The following ADAMTSL1 variants were observed in gnomAD, a reference collection of about 807,000 sequenced individuals.
ADAMTSL1 encodes ADAMTS like 1.
ADAMTSL1 carries 126 observed loss-of-function variants against 201.8 expected under a neutral mutation model. The observed-to-expected ratio is 0.62, with a 90% CI of 0.54 to 0.72. ADAMTSL1 has a LOEUF of 0.72. Among genes scored for constraint, ADAMTSL1 ranks in the 30% least tolerant of loss-of-function variants. The pLI is 0.00. For synonymous variants in ADAMTSL1, 1,121 were observed against 903.4 expected (o/e 1.24, Z -4.32); for missense variants, 2,679 against 2,277.8 (o/e 1.18, Z -3.59).
intron 7 of ADAMTSL1, among the ~76,000 whole-genome samples, chr9:18,641,376 C>A (rs1358476954): frequency 3.9e-5 from 6 of 151,998 alleles, no homozygotes; most frequent in African/African-American, 1.4e-4. Flanking sequence ...GAATTTTTGC[C>A]ACACAACAAT....
intron 2 of ADAMTSL1, among the ~76,000 whole-genome samples, chr9:18,316,099 G>C (rs1834383159): frequency 6.6e-6 from 1 of 152,174 alleles, no homozygotes; most frequent in African/African-American, 2.4e-5. Context: ...GTTTTTATTA[G>C]GGATTTTCAA....
At chr9:18,698,646 C>A (rs1051250102) in intron 13 of ADAMTSL1, among the ~76,000 whole-genome samples, 7 of 152,064 alleles carry the variant, frequency 4.6e-5, no homozygotes, top group Non-Finnish European at 8.8e-5. Flanking sequence ...GAAAAGGAGA[C>A]TGAGAAGGAA....
At chr9:17,993,968 T>C (rs1345920359) in intron 1 of ADAMTSL1, among the ~76,000 whole-genome samples, 1 of 151,916 alleles carries the variant, frequency 6.6e-6, no homozygotes, top group Non-Finnish European at 1.5e-5. Flanking sequence ...ACCAGAGAGG[T>C]CTCTGGAAAC....
chr9:18,465,405 A>G (rs1820964909), intron 2 of ADAMTSL1, among the ~76,000 whole-genome samples: 1 of 152,238 alleles, frequency 6.6e-6, no homozygotes, highest in Non-Finnish European at 1.5e-5. Flanking sequence ...CCAGAGTTTC[A>G]GGAAGCCAGG....
At chr9:18,305,157 C>T (rs1563873385) in intron 2 of ADAMTSL1, among the ~76,000 whole-genome samples, 5 of 152,206 alleles carry the variant, frequency 3.3e-5, no homozygotes. Context: ...GTGCCATGAG[C>T]AACACTGCAC....
intron 1 of ADAMTSL1, among the ~76,000 whole-genome samples, chr9:18,062,225 G>C (rs1169675134): frequency 6.6e-6 from 1 of 152,150 alleles, no homozygotes. Context: ...TCTTCTGATT[G>C]AAAAATGTCA....
intron 1 of ADAMTSL1, among the ~76,000 whole-genome samples, chr9:17,919,033 C>A (rs1323810505): frequency 1.3e-5 from 2 of 151,654 alleles, no homozygotes; most frequent in African/African-American, 4.8e-5. Flanking sequence ...ATAATAGTTA[C>A]CTCCATTGTT....
intron 20 of ADAMTSL1, among the ~76,000 whole-genome samples, chr9:18,815,909 GA>G (rs1272845621): frequency 2.6e-5 from 4 of 152,092 alleles, no homozygotes; most frequent in African/African-American, 7.2e-5. Context: ...GGAACAGTGT[GA>G]TTTTTTTGGA....
chr9:18,085,130 G>T (rs181218243), intron 1 of ADAMTSL1, among the ~76,000 whole-genome samples: 1 of 152,230 alleles, frequency 6.6e-6, no homozygotes, highest in Admixed American at 6.5e-5. Flanking sequence ...ACTGAACATG[G>T]AAATTAATAG....
intron 15 of ADAMTSL1, among the ~76,000 whole-genome samples, chr9:18,733,891 C>G (rs140979787): frequency 5.6e-4 from 85 of 151,708 alleles, no homozygotes; most frequent in African/African-American, 2.0e-3. Context: ...TTTTTTCTCA[C>G]TCTCCACCAC....
intron 2 of ADAMTSL1, among the ~76,000 whole-genome samples, chr9:18,212,552 G>A (rs1287048839): frequency 6.6e-6 from 1 of 152,182 alleles, no homozygotes; most frequent in Non-Finnish European, 1.5e-5. Context: ...AGGCTGAAGT[G>A]TAGTTTTAAA....
At chr9:18,843,870 T>G (rs1454042291) in intron 23 of ADAMTSL1, among the ~76,000 whole-genome samples, 1 of 151,646 alleles carries the variant, frequency 6.6e-6, no homozygotes, top group Non-Finnish European at 1.5e-5. Flanking sequence ...TCTTGAGCCT[T>G]GGCTTTCAGC....
Position 18,777,128 on chromosome 9 carries a change from C to A in ADAMTSL1, c.2899C>A (p.Leu967Ile). ...VIKLIGGNRK[L>I]VARPLSPRSE... ...TAAGCTCATCGGAGGCAACCGCAAG[C>A]TCGTGGCCCGGCCCTTGAGCCCGAG... The change falls in exon 19 of 29, where the codon CTC becomes ATC. Residue 967 changes from leucine to isoleucine, a missense_variant. Physicochemically the swap from Leu to Ile is conservative, Grantham distance 5. Coordinates refer to ENST00000380548, the MANE Select transcript of ADAMTSL1 (RefSeq NM_001040272.6). 6.2e-7 allele frequency: 1 copy of A among 1,613,076 alleles called. No individual in the cohort carries two copies. The highest frequency in any genetic ancestry group is 8.5e-7 in the Non-Finnish European group (1 of 1,179,838).
intron 2 of ADAMTSL1, among the ~76,000 whole-genome samples, chr9:18,186,987 T>C (rs1387067343): frequency 6.6e-6 from 1 of 152,100 alleles, no homozygotes; most frequent in African/African-American, 2.4e-5. Context: ...CTAAATCCCA[T>C]GTCTAACTCT....
At chr9:18,069,160 T>A (rs902244313) in intron 1 of ADAMTSL1, among the ~76,000 whole-genome samples, 2 of 152,078 alleles carry the variant, frequency 1.3e-5, no homozygotes, top group Non-Finnish European at 2.9e-5. Flanking sequence ...TGAATTAGGA[T>A]GTGCTTTAAG....
At chr9:17,986,491 G>T (rs976724851) in intron 1 of ADAMTSL1, among the ~76,000 whole-genome samples, 1 of 152,016 alleles carries the variant, frequency 6.6e-6, no homozygotes, top group Admixed American at 6.6e-5. Context: ...TCAGAAAGAA[G>T]AATGATCTGT....
At chr9:18,469,955 G>T (rs1036480316), upstream of ADAMTSL1, among the ~76,000 whole-genome samples, 5 of 152,182 alleles carry the variant, frequency 3.3e-5, no homozygotes, top group African/African-American at 1.2e-4. Flanking sequence ...TCTATGTGAA[G>T]TTAATAAATG....
chr9:18,607,434 A>T (rs911048473), intron 4 of ADAMTSL1, among the ~76,000 whole-genome samples: 6 of 152,208 alleles, frequency 3.9e-5, no homozygotes, highest in Admixed American at 2.6e-4. Flanking sequence ...ATTTAGATTC[A>T]CATAGATATA....
chr9:18,157,268 C>T (rs548532687), intron 1 of ADAMTSL1, among the ~76,000 whole-genome samples: 2 of 152,122 alleles, frequency 1.3e-5, no homozygotes, highest in South Asian at 2.1e-4. Context: ...AGCTTCTTTA[C>T]AGAATTGTTT....
Sources: gnomAD v4.1 joint callset for allele counts (sites outside exome capture counted in the v4.1 genomes callset) on GRCh38, gnomAD v4.1.1 for gene constraint, MANE v1.5 for transcripts, NCBI Gene and HGNC (gene_info 2026-07-23, HGNC 2026-07-21) for gene names.